TNKS: variants seen among roughly 807,000 people sequenced by gnomAD.
TNKS encodes the protein poly [ADP-ribose] polymerase tankyrase-1.
Under a neutral mutation model 135.8 loss-of-function variants are expected in TNKS, and 72 were observed. That is an observed-to-expected ratio of 0.53 (90% CI 0.44 to 0.64). The LOEUF is 0.64. Ranked by LOEUF, TNKS falls within the 30% of genes least tolerant of loss-of-function variation. TNKS has a pLI of 0.00. For missense variants in TNKS, 1,769 were observed against 1,674.0 expected, an observed-to-expected ratio of 1.06 and a Z score of -0.99; for synonymous variants, 849 against 649.3, an observed-to-expected ratio of 1.31 and a Z score of -4.68.
intron 3 of TNKS, among the ~76,000 whole-genome samples, chr8:9,644,365 G>A (rs1800833887): frequency 6.6e-6 from 1 of 152,022 alleles, no homozygotes; most frequent in Admixed American, 6.6e-5. Context: ...GGGTAAAGTG[G>A]CAATTGGCTC....
At chr8:9,647,690 C>T (rs1215877474) in intron 3 of TNKS, among the ~76,000 whole-genome samples, 2 of 152,070 alleles carry the variant, frequency 1.3e-5, no homozygotes, top group Non-Finnish European at 2.9e-5. Context: ...TGACTTGTGC[C>T]CCTTGAAGTC....
intron 1 of TNKS, among the ~76,000 whole-genome samples, chr8:9,578,054 C>G (rs1798023293): frequency 2.0e-5 from 3 of 152,214 alleles, no homozygotes; most frequent in Non-Finnish European, 2.9e-5. Context: ...TCTCCCTTGA[C>G]TCCACGGCTC....
intron 12 of TNKS, among the ~76,000 whole-genome samples, chr8:9,723,544 TG>T (rs1174046719): frequency 6.6e-6 from 1 of 152,206 alleles, no homozygotes; most frequent in Non-Finnish European, 1.5e-5. Flanking sequence ...CTAACATCAA[TG>T]TAAAGAAAAC....
At chr8:9,661,751 A>C (rs557753032) in intron 3 of TNKS, among the ~76,000 whole-genome samples, 1 of 152,354 alleles carries the variant, frequency 6.6e-6, no homozygotes, top group African/African-American at 2.4e-5. Context: ...AATTAAACTC[A>C]AGAGCTTCTG....
chr8:9,718,878 CATCAA>C (rs1262570691), intron 11 of TNKS, among the ~76,000 whole-genome samples: 1 of 152,156 alleles, frequency 6.6e-6, no homozygotes, highest in Non-Finnish European at 1.5e-5. Flanking sequence ...TTTTTAGTGA[CATCAA>C]ATCATGTTCC....
chr8:9,699,067 G>C (rs568404214), intron 5 of TNKS, among the ~76,000 whole-genome samples: 5 of 152,306 alleles, frequency 3.3e-5, no homozygotes, highest in African/African-American at 1.2e-4. Flanking sequence ...GAATAAATCA[G>C]AGGTGTAGAA....
intron 17 of TNKS, among the ~76,000 whole-genome samples, chr8:9,746,067 G>A (rs12234999): frequency 0.09 from 13,631 of 152,072 alleles, 711 homozygotes; most frequent in South Asian, 0.17. Context: ...TGTGGTAGTC[G>A]AGCAGCAGCA....
intron 20 of TNKS, among the ~76,000 whole-genome samples, chr8:9,754,612 A>G (rs1015213026): frequency 2.0e-5 from 3 of 152,194 alleles, no homozygotes; most frequent in Non-Finnish European, 4.4e-5. Context: ...GAAGACCTTA[A>G]TTCTAATTAT....
chr8:9,558,076 C>T (rs1797157648), intron 1 of TNKS: 1 of 152,118 alleles, frequency 6.6e-6, no homozygotes, highest in Admixed American at 6.5e-5. Flanking sequence ...TATTGTAGCC[C>T]ATACTTAGAA....
At chr8:9,578,117 C>G (rs939159935) in intron 1 of TNKS, among the ~76,000 whole-genome samples, 1 of 152,214 alleles carries the variant, frequency 6.6e-6, no homozygotes, top group South Asian at 2.1e-4. Context: ...TTGGGCGGCT[C>G]CACCCCTGTG....
rs4496970 is a variant in TNKS, at chr8:9,634,916, T to A, written c.994+19239T>A. Among the ~76,000 whole-genome samples the A allele has an allele frequency of 5.9e-5, 9 of 151,668 alleles. No individual in the cohort carries two copies. The South Asian group carries it at 1.9e-3, about 32-fold the overall frequency. ...TGCTCGGCCGGGCGCGGTGGCTCAC[T>A]CCTGTAATCCCGGCACTTTGGGAGG... On this transcript the variant is annotated intron_variant, in intron 3 of 26. Coordinates refer to ENST00000310430, the MANE Select transcript of TNKS (RefSeq NM_003747.3).
chr8:9,564,484 T>C (rs1797450553), intron 1 of TNKS, among the ~76,000 whole-genome samples: 1 of 152,214 alleles, frequency 6.6e-6, no homozygotes, highest in South Asian at 2.1e-4. Context: ...TGGAAAGGAA[T>C]AAACATGAGC....
At chr8:9,665,749 C>T (rs1350859543) in intron 3 of TNKS, among the ~76,000 whole-genome samples, 6 of 151,586 alleles carry the variant, frequency 4.0e-5, no homozygotes, top group Admixed American at 2.6e-4. Context: ...TGCAAGGATT[C>T]TTCAACTCTC....
rs1799618482 is a variant in TNKS, at chr8:9,615,666, C to T, written c.983C>T (p.Ala328Val). ...ALDLADPSAK[A>V]VLTGEYKKDE... ...GACCTGGCAGATCCTTCAGCAAAAG[C>T]TGTCCTTACAGGTAAGAAGACAGAG... The change falls in exon 3 of 27, where the codon GCT (alanine) becomes GTT (valine). Residue 328 changes from alanine (A) to valine (V), a missense_variant. Transcript: ENST00000310430. 6.2e-7 allele frequency: 1 copy of T among 1,611,932 alleles called. No homozygotes were observed. Among genetic ancestry groups the T allele is most frequent in the Non-Finnish European group, 8.5e-7 (1 of 1,178,920 alleles).
At chr8:9,695,839 A>C (rs1356914829) in intron 5 of TNKS, among the ~76,000 whole-genome samples, 1 of 152,220 alleles carries the variant, frequency 6.6e-6, no homozygotes, top group Non-Finnish European at 1.5e-5. Flanking sequence ...AAAAGATGGG[A>C]ATGAAGAAAG....
rs1231683318 is a variant in TNKS at position 9,751,610 on chromosome 8, C to G, written c.2834C>G (p.Ala945Gly). ...EGQTPLDLAT[A>G]DDIRALLIDA... The stretch of plus-strand genomic sequence containing the variant: ...TTTTGTTTTTAATCATTTTTTTAGG[C>G]TGACGATATCAGAGCTTTGCTGATA... Residue 945 changes from alanine to glycine, a missense_variant and splice_region_variant, in exon 19 of 27, where the codon GCT becomes GGT. Physicochemically the swap from Ala to Gly is moderately conservative, Grantham distance 60 (BLOSUM62 0). This residue lies in a region of TNKS where 722 missense variants were observed against 688.9 expected (regional missense o/e 1.05). Transcript: ENST00000310430. 2.5e-6 allele frequency: 4 copies of G among 1,609,286 alleles called. No homozygotes were observed. Among genetic ancestry groups the G allele is most frequent in the Non-Finnish European group, 3.4e-6 (4 of 1,177,898 alleles).
intron 3 of TNKS, among the ~76,000 whole-genome samples, chr8:9,653,689 C>T (rs927247566): frequency 6.6e-6 from 1 of 152,200 alleles, no homozygotes; most frequent in African/African-American, 2.4e-5. Flanking sequence ...AAAGGCCCCA[C>T]TTCTCAGCAT....
intron 11 of TNKS, among the ~76,000 whole-genome samples, chr8:9,716,261 G>C (rs1804594519): frequency 6.6e-6 from 1 of 152,120 alleles, no homozygotes; most frequent in Non-Finnish European, 1.5e-5. Context: ...CATTATAAGA[G>C]TTTTATTAAT....
intron 5 of TNKS, among the ~76,000 whole-genome samples, chr8:9,698,082 G>T (rs904549209): frequency 3.3e-5 from 5 of 152,132 alleles, no homozygotes; most frequent in African/African-American, 9.7e-5. Flanking sequence ...GAAAAAGAAT[G>T]AAGTCATGCC....
Sources: allele counts gnomAD v4.1 joint callset (sites outside exome capture counted in the v4.1 genomes callset), GRCh38; gene constraint gnomAD v4.1.1; regional missense constraint gnomAD v4.1.1; transcripts MANE v1.5; gene names NCBI Gene and HGNC (gene_info 2026-07-23, HGNC 2026-07-21).